Variants in SPEN observed in about 807,000 individuals in gnomAD.
SPEN encodes the protein spen family transcriptional repressor, also known as msx2-interacting protein.
In SPEN, 18 loss-of-function variants were observed where a neutral mutation model predicts 269.9. The ratio of observed to expected loss-of-function variants is 0.07; its 90% CI spans 0.05 to 0.10. The LOEUF is 0.10. Ranked by LOEUF, SPEN falls within the 10% of genes least tolerant of loss-of-function variation. SPEN has a pLI of 1.00. For synonymous variants in SPEN, 1,726 were observed against 1,765.7 expected (o/e 0.98, Z 0.56); for missense variants, 3,822 against 4,631.2 (o/e 0.83, Z 5.07).
chr1:15,855,014 C>A (rs893627152), intron 1 of SPEN, among the ~76,000 whole-genome samples: 3 of 152,082 alleles, frequency 2.0e-5, no homozygotes, highest in African/African-American at 7.2e-5. Context: ...GATTTAATTA[C>A]TTATGATTTC....
intron 3 of SPEN, among the ~76,000 whole-genome samples, chr1:15,894,211 G>C (rs1214829090): frequency 1.3e-5 from 2 of 152,104 alleles, no homozygotes; most frequent in Non-Finnish European, 2.9e-5. Context: ...GTGACTAAGG[G>C]AATGAGAAAA....
Position 15,890,175 on chromosome 1 carries a change from T to C in SPEN, c.881+13497T>C, listed in dbSNP as rs917856339. On this transcript the variant is annotated intron_variant, in intron 3 of 14. Transcript: ENST00000375759. ...ACTTTCATTTGGTATGGAAGAGAGATGTAGATTAGAAATATATGCTAAGAT... is the reference window on the plus strand; with the variant it reads ...ACTTTCATTTGGTATGGAAGAGAGACGTAGATTAGAAATATATGCTAAGAT... Among the ~76,000 whole-genome samples, 11 of 152,342 alleles carry C rather than the reference T, an allele frequency of 7.2e-5. No homozygotes were observed. In the South Asian group the frequency reaches 2.3e-3, roughly 32 times the overall value.
rs1377459866 is a variant in SPEN, at chr1:15,916,182, A to T, written c.1298A>T (p.His433Leu). 6.2e-7 allele frequency: 1 copy of T among 1,613,546 alleles called. No individual in the cohort carries two copies. The highest frequency in any genetic ancestry group is 8.5e-7 in the Non-Finnish European group (1 of 1,179,868). Reference protein sequence around the residue: ...RPLDERIDEFHPKATRTLFIG... With the variant: ...RPLDERIDEFLPKATRTLFIG... Reference sequence around the variant, plus strand: ...TTGGATGAAAGGATAGATGAATTTCACCCCAAAGCAACAAGAACTCTCTTT... The same window carrying T: ...TTGGATGAAAGGATAGATGAATTTCTCCCCAAAGCAACAAGAACTCTCTTT... Residue 433 changes from histidine to leucine, a missense_variant, in exon 6 of 15, where the codon CAC (histidine) becomes CTC (leucine). His to Leu is a moderately conservative substitution (Grantham distance 99, BLOSUM62 -3). Transcript: ENST00000375759.
chr1:15,903,215 A>G (rs1557749727), intron 3 of SPEN, among the ~76,000 whole-genome samples: 2 of 152,172 alleles, frequency 1.3e-5, no homozygotes, highest in African/African-American at 4.8e-5. Context: ...GTTTATGAGA[A>G]TCCTAGCATC....
At chr1:15,878,680 C>T (rs182137893) in intron 3 of SPEN, among the ~76,000 whole-genome samples, 2 of 152,238 alleles carry the variant, frequency 1.3e-5, no homozygotes, top group Admixed American at 1.3e-4. Context: ...TAAAAAGCTG[C>T]ATCTGCATTC....
At chr1:15,891,438 G>A (rs1193715416) in intron 3 of SPEN, among the ~76,000 whole-genome samples, 2 of 150,756 alleles carry the variant, frequency 1.3e-5, no homozygotes, top group African/African-American at 2.4e-5. Flanking sequence ...TGCAAGGTCC[G>A]CCTCCTGGGT....
chr1:15,867,495 G>C, intron 1 of SPEN, among the ~76,000 whole-genome samples: 1 of 152,084 alleles, frequency 6.6e-6, no homozygotes, highest in Non-Finnish European at 1.5e-5. Flanking sequence ...ACCACGCCTG[G>C]CTCATGCCAC....
intron 13 of SPEN, 41 bp downstream of exon 13, chr1:15,938,047 A>G (rs1312661949): frequency 2.6e-6 from 4 of 1,538,868 alleles, no homozygotes; most frequent in East Asian, 4.5e-5. Context: ...CCCCACCTAC[A>G]GGGAGGAAGA....
At chr1:15,851,448 G>T (rs1225311230) in intron 1 of SPEN, among the ~76,000 whole-genome samples, 1 of 152,194 alleles carries the variant, frequency 6.6e-6, no homozygotes, top group Non-Finnish European at 1.5e-5. Context: ...CTGGGTTGAA[G>T]GGGGAAGGGA....
rs1488507029 is a variant in SPEN at position 15,938,728 on chromosome 1, A to G, written c.10715A>G (p.Asp3572Gly). The change falls in exon 14 of 15, where the codon GAT (aspartate) becomes GGT (glycine). Residue 3572 changes from aspartate (D) to glycine (G), a missense_variant. Around this residue, in one of 16 missense-constraint regions of SPEN, gnomAD observed 103 missense variants for 215.8 expected, o/e 0.48. Transcript: ENST00000375759. ...GVARRMTVETDYCLLLALPCG... is the reference protein window; with the variant it reads ...GVARRMTVETGYCLLLALPCG... ...TGGCCTCTGCCTCAGGTGGAGACAG[A>G]TTACTGTCTGCTGCTGGCTCTGCCC... The G allele has an allele frequency of 1.2e-6, 2 of 1,613,512 alleles. No individual in the cohort carries two copies. Among genetic ancestry groups the G allele is most frequent in the African/African-American group, 1.3e-5 (1 of 74,858 alleles).
intron 3 of SPEN, among the ~76,000 whole-genome samples, chr1:15,890,472 C>T (rs957704024): frequency 9.2e-5 from 14 of 151,636 alleles, no homozygotes; most frequent in Admixed American, 4.6e-4. Context: ...CCTTATGATC[C>T]GCCCACCCCG....
chr1:15,881,375 C>A (rs1328878434), intron 3 of SPEN, among the ~76,000 whole-genome samples: 1 of 152,176 alleles, frequency 6.6e-6, no homozygotes, highest in East Asian at 1.9e-4. Context: ...TATCCATAAT[C>A]TCTGTTTTTC....
chr1:15,932,811 A>G lies in SPEN; in HGVS notation c.6571A>G (p.Lys2191Glu), dbSNP rs1211098856. ...LAEASASAAY[K>E]ADAPEGLAPE... is the part of the protein sequence containing the mutation. ...TGAGGCCTCTGCCTCTGCTGCCTAT[A>G]AGGCAGATGCACCAGAGGGCCTTGC... The change falls in exon 11 of 15, where the codon AAG becomes GAG. Residue 2191 changes from lysine to glutamate, a missense_variant. Lys to Glu is a moderately conservative substitution (Grantham distance 56). Around this residue, in one of 16 missense-constraint regions of SPEN, gnomAD observed 727 missense variants for 737.9 expected, o/e 0.99. Coordinates refer to ENST00000375759, the MANE Select transcript of SPEN (RefSeq NM_015001.3). The surrounding 1 kb of genome is among the most constrained non-coding windows in gnomAD (Gnocchi z 4.2). 1 of 1,614,214 alleles carries G rather than the reference A, an allele frequency of 6.2e-7. No individual in the cohort carries two copies. The highest frequency in any genetic ancestry group is 1.1e-5 in the South Asian group (1 of 91,092).
At position 15,936,286 on chromosome 1, in the gene SPEN, C is replaced by G; in HGVS notation, c.10026+20C>G. 2.0e-6 allele frequency: 3 copies of G among 1,522,620 alleles called. No homozygotes were observed. Among genetic ancestry groups the G allele is most frequent in the Non-Finnish European group, 2.7e-6 (3 of 1,129,180 alleles). The allele number at this position is 1,522,620 out of a possible 1,614,324, so 94.3% of individuals were successfully genotyped here. A position where few individuals can be genotyped will look rare whatever the true frequency, so the allele number is the denominator to read the frequency against. On this transcript the variant is annotated intron_variant, in intron 11 of 14. Coordinates refer to ENST00000375759, the MANE Select transcript of SPEN (RefSeq NM_015001.3). ...GCTCAGGTGAGCCAGCCAGGTATCT[C>G]CCCACTGTCTGTTGGGCATGTGCTT...
At chr1:15,880,516 C>T (rs1006498973) in intron 3 of SPEN, among the ~76,000 whole-genome samples, 12 of 134,800 alleles carry the variant, frequency 8.9e-5, no homozygotes, top group South Asian at 6.9e-4. Context: ...AGTGCGGTGG[C>T]GCAATCTTGG....
rs1040577702 is a variant in SPEN at position 15,930,309 on chromosome 1, A to G, written c.4069A>G (p.Asn1357Asp). ...DAGRFDVSFP[N>D]SIIKRDSLRK... ...TGGCAGATTTGATGTGAGTTTCCCA[A>G]ACAGCATAATTAAGAGAGATAGCCT... The change falls in exon 11 of 15, where the codon AAC (asparagine) becomes GAC (aspartate). Residue 1357 changes from asparagine to aspartate, a missense_variant. This residue lies in a region of SPEN where 267 missense variants were observed against 315.5 expected (regional missense o/e 0.85). Coordinates refer to ENST00000375759, the MANE Select transcript of SPEN (RefSeq NM_015001.3). The surrounding 1 kb of genome is among the most constrained non-coding windows in gnomAD (Gnocchi z 5.3). 6.2e-7 allele frequency: 1 copy of G among 1,614,184 alleles called. No homozygotes were observed. The highest frequency in any genetic ancestry group is 8.5e-7 in the Non-Finnish European group (1 of 1,180,012).
In SPEN at chr1:15,929,523, T is replaced by C; in HGVS notation, c.3283T>C (p.Ser1095Pro). The change falls in exon 11 of 15, where the codon TCT becomes CCT. Residue 1095 changes from serine to proline, a missense_variant. By Grantham distance (74) the Ser-to-Pro change is moderately conservative. This residue lies in a region of SPEN where 572 missense variants were observed against 582.6 expected (regional missense o/e 0.98). Transcript: ENST00000375759. The surrounding 1 kb of genome is among the most constrained non-coding windows in gnomAD (Gnocchi z 5.8). ...QARLGELAGE[S>P]VENQEVQSKK... The stretch of plus-strand genomic sequence containing the variant: ...AAGACTGGGAGAACTAGCAGGTGAA[T>C]CTGTGGAAAATCAAGAAGTCCAATC... 6.2e-7 allele frequency: 1 copy of C among 1,613,722 alleles called. No homozygotes were observed. Among genetic ancestry groups the C allele is most frequent in the Non-Finnish European group, 8.5e-7 (1 of 1,179,916 alleles).
intron 3 of SPEN, 25 bp downstream of exon 3, chr1:15,876,703 A>C: frequency 6.5e-7 from 1 of 1,534,296 alleles, no homozygotes; most frequent in African/African-American, 1.4e-5. Context: ...TTTTGTTATA[A>C]CAGATGAGCT....
At chr1:15,863,938 AATAG>A (rs1307040297) in intron 1 of SPEN, among the ~76,000 whole-genome samples, 4 of 152,232 alleles carry the variant, frequency 2.6e-5, no homozygotes, top group African/African-American at 9.6e-5. Flanking sequence ...ATGACCAATG[AATAG>A]ATAAACAGAA....
Sources: allele counts gnomAD v4.1 joint callset (sites outside exome capture counted in the v4.1 genomes callset), GRCh38; gene constraint gnomAD v4.1.1; regional missense constraint gnomAD v4.1.1; non-coding constraint Gnocchi (gnomAD v3.1); transcripts MANE v1.5; gene names NCBI Gene and HGNC (gene_info 2026-07-23, HGNC 2026-07-21).